Variants in EYS observed in about 807,000 individuals in gnomAD.
EYS encodes the protein EGF-like photoreceptor maintenance factor.
Under a neutral mutation model 282.1 loss-of-function variants are expected in EYS, and 250 were observed. The observed-to-expected ratio is 0.89, with a 90% CI of 0.80 to 0.98. EYS has a LOEUF of 0.98. EYS is among the 50% of genes least tolerant of loss of function. The probability of loss-of-function intolerance (pLI) is 0.00; values close to 1 mark genes in which losing one functional copy is unlikely to be tolerated. For missense variants in EYS, 4,016 were observed against 3,709.0 expected (o/e 1.08, Z -2.15); for synonymous variants, 1,355 against 1,282.9 (o/e 1.06, Z -1.20).
chr6:64,404,429 G>A (rs1773642553), intron 28 of EYS, among the ~76,000 whole-genome samples: 1 of 151,854 alleles, frequency 6.6e-6, no homozygotes, highest in African/African-American at 2.4e-5. Flanking sequence ...ACGCGTGTGA[G>A]CTTTTAAGAG....
chr6:64,722,516 GAA>G (rs544037652), intron 22 of EYS, among the ~76,000 whole-genome samples: 1 of 130,382 alleles, frequency 7.7e-6, no homozygotes. Context: ...TAAATTATTT[GAA>G]AAAAAAAAAA....
intron 11 of EYS, among the ~76,000 whole-genome samples, chr6:65,325,544 CTCTT>C (rs879471420): frequency 1.3e-5 from 2 of 152,044 alleles, no homozygotes; most frequent in Admixed American, 1.3e-4. Context: ...AACCTGGAGT[CTCTT>C]TGACTCCAGG....
chr6:65,244,763 C>A (rs1163173729), intron 12 of EYS, among the ~76,000 whole-genome samples: 3 of 151,856 alleles, frequency 2.0e-5, no homozygotes, highest in Admixed American at 6.6e-5. Flanking sequence ...ACCTGCTGAT[C>A]CGCCCGCCTC....
intron 29 of EYS, among the ~76,000 whole-genome samples, chr6:64,374,180 G>A (rs1262453654): frequency 1.4e-5 from 2 of 147,602 alleles, no homozygotes; most frequent in South Asian, 2.2e-4. Flanking sequence ...TAGGGTTGGC[G>A]GGGGGTATGG....
intron 31 of EYS, among the ~76,000 whole-genome samples, chr6:64,184,921 G>T (rs894395931): frequency 3.3e-5 from 5 of 151,798 alleles, no homozygotes; most frequent in African/African-American, 1.2e-4. Context: ...AAATCCATAT[G>T]CTGAAAATCT....
chr6:64,102,317 A>T (rs1445590766), intron 31 of EYS, among the ~76,000 whole-genome samples: 1 of 152,206 alleles, frequency 6.6e-6, no homozygotes, highest in African/African-American at 2.4e-5. Context: ...AGCTTAGAAG[A>T]TTTTTTGAAG....
intron 36 of EYS, among the ~76,000 whole-genome samples, chr6:63,858,227 G>A (rs2149706845): frequency 6.6e-6 from 1 of 152,234 alleles, no homozygotes; most frequent in African/African-American, 2.4e-5. Context: ...CTGATATGTT[G>A]TATTGAAATA....
chr6:65,670,278 C>G (rs1178909598), intron 1 of EYS, among the ~76,000 whole-genome samples: 1 of 151,952 alleles, frequency 6.6e-6, no homozygotes, highest in Non-Finnish European at 1.5e-5. Flanking sequence ...ATTATGGAAC[C>G]AAAGAACTTC....
At chr6:64,344,077 C>CA (rs1008542529) in intron 29 of EYS, among the ~76,000 whole-genome samples, 3 of 151,526 alleles carry the variant, frequency 2.0e-5, no homozygotes, top group Non-Finnish European at 4.4e-5. Context: ...GCTTACCAAC[C>CA]AAAAAAAAGT....
chr6:65,378,705 T>TA (rs1765489687), intron 8 of EYS, among the ~76,000 whole-genome samples: 1 of 152,098 alleles, frequency 6.6e-6, no homozygotes, highest in African/African-American at 2.4e-5. Context: ...TATGCATTCA[T>TA]AAAAAAGGAT....
intron 2 of EYS, among the ~76,000 whole-genome samples, chr6:65,620,216 T>C (rs1311593993): frequency 6.6e-6 from 1 of 152,218 alleles, no homozygotes; most frequent in African/African-American, 2.4e-5. Flanking sequence ...CTATTGATCA[T>C]TGCCGCAATT....
At chr6:65,397,673 C>G (rs558927024) in intron 7 of EYS, among the ~76,000 whole-genome samples, 1 of 150,370 alleles carries the variant, frequency 6.7e-6, no homozygotes, top group African/African-American at 2.4e-5. Flanking sequence ...GACACTTAGG[C>G]TGATTCCATG....
intron 1 of EYS, among the ~76,000 whole-genome samples, chr6:65,700,795 G>A (rs553483605): frequency 3.3e-5 from 5 of 152,264 alleles, no homozygotes; most frequent in Admixed American, 6.5e-5. Flanking sequence ...CATTTGTAAT[G>A]TGTTTGCCGT....
chr6:64,472,884 G>T (rs1177568722), intron 26 of EYS, among the ~76,000 whole-genome samples: 1 of 152,076 alleles, frequency 6.6e-6, no homozygotes, highest in South Asian at 2.1e-4. Context: ...TTTGTGAGGA[G>T]ATTCAACTAA....
At chr6:64,924,147 T>C (rs759310730) in intron 15 of EYS, among the ~76,000 whole-genome samples, 2 of 152,184 alleles carry the variant, frequency 1.3e-5, no homozygotes, top group Non-Finnish European at 2.9e-5. Flanking sequence ...TCTTCTGAAA[T>C]CTAGGCAGAG....
chr6:63,773,850 T>C (rs1769994407), intron 40 of EYS, among the ~76,000 whole-genome samples: 1 of 152,200 alleles, frequency 6.6e-6, no homozygotes, highest in Non-Finnish European at 1.5e-5. Flanking sequence ...TATTGGGTTC[T>C]AGGGGTTTGT....
At chr6:65,458,981 CA>C (rs1485941055) in intron 5 of EYS, among the ~76,000 whole-genome samples, 24 of 151,932 alleles carry the variant, frequency 1.6e-4, no homozygotes, top group Admixed American at 7.9e-4. Flanking sequence ...AATAATCTTA[CA>C]AAAAATTTAA....
At chr6:64,603,861 CTGTG>C (rs34430318) in intron 24 of EYS, among the ~76,000 whole-genome samples, 335 of 148,244 alleles carry the variant, frequency 2.3e-3, no homozygotes, top group East Asian at 0.013. Context: ...AAATGAATAC[CTGTG>C]TGTGTGTGTG....
chr6:65,087,037 A>T (rs1774401216), intron 12 of EYS, among the ~76,000 whole-genome samples: 1 of 152,110 alleles, frequency 6.6e-6, no homozygotes, highest in South Asian at 2.1e-4. Flanking sequence ...TGGCCAGAAC[A>T]GTCTCAATCT....
Sources: allele counts gnomAD v4.1 joint callset (sites outside exome capture counted in the v4.1 genomes callset), GRCh38; gene constraint gnomAD v4.1.1; transcripts MANE v1.5; gene names NCBI Gene and HGNC (gene_info 2026-07-23, HGNC 2026-07-21).